The following AKAP19 variants were observed in gnomAD, a reference collection of about 807,000 sequenced individuals.
AKAP19 encodes the protein A-kinase anchoring protein 19, also known as small A-kinase anchoring protein.
At chr2:189,947,450 T>C in the AKAP19 span, among the ~76,000 whole-genome samples, 1 of 152,144 alleles carries the variant, frequency 6.6e-6, no homozygotes, top group Non-Finnish European at 1.5e-5. Flanking sequence ...TTCCATTTAT[T>C]CTAGCACTAG....
At chr2:190,127,361 T>C in the AKAP19 span, among the ~76,000 whole-genome samples, 8 of 151,880 alleles carry the variant, frequency 5.3e-5, no homozygotes, top group Admixed American at 5.2e-4. Flanking sequence ...CAGTTTTTCC[T>C]CCTCCAACCG....
chr2:189,979,045 A>G, the AKAP19 span, among the ~76,000 whole-genome samples: 14 of 152,210 alleles, frequency 9.2e-5, no homozygotes, highest in African/African-American at 3.1e-4. Context: ...CTATAAAATT[A>G]CCAAAGTCAT....
the AKAP19 span, among the ~76,000 whole-genome samples, chr2:190,167,700 C>T: frequency 7.2e-5 from 11 of 152,346 alleles, no homozygotes; most frequent in East Asian, 3.9e-4. Context: ...CAAAATCCAG[C>T]GGGGCAGTCA....
At chr2:190,127,054 G>A in the AKAP19 span, among the ~76,000 whole-genome samples, 1 of 152,026 alleles carries the variant, frequency 6.6e-6, no homozygotes, top group East Asian at 1.9e-4. Flanking sequence ...TAAACAAGGT[G>A]TAGCACTGTT....
chr2:190,191,481 G>GT, the AKAP19 span, among the ~76,000 whole-genome samples: 1 of 152,172 alleles, frequency 6.6e-6, no homozygotes, highest in African/African-American at 2.4e-5. Flanking sequence ...AAATTTTCAT[G>GT]TATCTAGGGT....
chr2:190,080,193 A>T, the AKAP19 span, among the ~76,000 whole-genome samples: 2 of 152,322 alleles, frequency 1.3e-5, no homozygotes, highest in African/African-American at 4.8e-5. Context: ...GTAGTTTTTT[A>T]AATAAATATA....
At chr2:190,059,507 T>C in the AKAP19 span, among the ~76,000 whole-genome samples, 3 of 152,100 alleles carry the variant, frequency 2.0e-5, no homozygotes, top group African/African-American at 7.2e-5. Context: ...ATCAACATCC[T>C]ACAAATAATG....
At chr2:190,092,602 A>G in the AKAP19 span, among the ~76,000 whole-genome samples, 6 of 152,268 alleles carry the variant, frequency 3.9e-5, no homozygotes, top group South Asian at 1.2e-3. Context: ...TCCACCTCAG[A>G]ACAATATGTA....
At chr2:190,174,507 A>G in the AKAP19 span, among the ~76,000 whole-genome samples, 1 of 152,270 alleles carries the variant, frequency 6.6e-6, no homozygotes, top group Admixed American at 6.5e-5. Context: ...TCAAATATTT[A>G]ATTTAAAAAT....
At chr2:189,916,884 A>G in the AKAP19 span, among the ~76,000 whole-genome samples, 29 of 152,282 alleles carry the variant, frequency 1.9e-4, no homozygotes, top group African/African-American at 6.3e-4. Context: ...AGTTATTTCC[A>G]AAACAGAGTA....
the AKAP19 span, among the ~76,000 whole-genome samples, chr2:190,003,848 CAG>C: frequency 1.3e-5 from 2 of 151,786 alleles, no homozygotes; most frequent in Non-Finnish European, 1.5e-5. Flanking sequence ...GCCTGGGCGA[CAG>C]AGTGAGACTC....
the AKAP19 span, among the ~76,000 whole-genome samples, chr2:189,965,857 A>C: frequency 6.6e-6 from 1 of 152,230 alleles, no homozygotes; most frequent in Non-Finnish European, 1.5e-5. Flanking sequence ...ACATGTTTAT[A>C]GAAGCACACT....
At chr2:190,085,403 A>G in the AKAP19 span, among the ~76,000 whole-genome samples, 1 of 152,220 alleles carries the variant, frequency 6.6e-6, no homozygotes, top group South Asian at 2.1e-4. Context: ...CGCTTCTGTG[A>G]GAAATACGAG....
the AKAP19 span, among the ~76,000 whole-genome samples, chr2:189,900,180 A>G: frequency 6.6e-6 from 1 of 152,286 alleles, no homozygotes; most frequent in East Asian, 1.9e-4. Context: ...TTTGTTTCCA[A>G]TATTTTTAAT....
chr2:189,979,711 T>G, the AKAP19 span, among the ~76,000 whole-genome samples: 1 of 151,932 alleles, frequency 6.6e-6, no homozygotes, highest in Non-Finnish European at 1.5e-5. Flanking sequence ...ATAAGAAACT[T>G]AAACAAATCA....
At chr2:190,116,087 G>T in the AKAP19 span, among the ~76,000 whole-genome samples, 10 of 152,148 alleles carry the variant, frequency 6.6e-5, no homozygotes, top group African/African-American at 2.2e-4. Context: ...TTCTCACTCC[G>T]GCCACAGCTC....
chr2:190,049,158 T>G, the AKAP19 span, among the ~76,000 whole-genome samples: 1 of 152,132 alleles, frequency 6.6e-6, no homozygotes, highest in Non-Finnish European at 1.5e-5. Flanking sequence ...TTGCAGTTTT[T>G]GTCATGCATA....
At chr2:190,115,893 T>C in the AKAP19 span, among the ~76,000 whole-genome samples, 3 of 152,312 alleles carry the variant, frequency 2.0e-5, no homozygotes, top group African/African-American at 7.2e-5. Flanking sequence ...GTTGATACTC[T>C]TGCTTTCCGT....
chr2:190,080,100 G>C, the AKAP19 span: 1 of 152,190 alleles, frequency 6.6e-6, no homozygotes, highest in Admixed American at 6.6e-5. Context: ...AGATATTATA[G>C]AATTCATTCT....
Sources: gnomAD v4.1 joint callset for allele counts (sites outside exome capture counted in the v4.1 genomes callset) on GRCh38, gnomAD v4.1.1 for gene constraint, MANE v1.5 for transcripts, NCBI Gene and HGNC (gene_info 2026-07-23, HGNC 2026-07-21) for gene names.